The following ZNF562 variants were observed in gnomAD, a reference collection of about 807,000 sequenced individuals.
ZNF562 encodes zinc finger protein 562.
A neutral mutation model predicts 17.5 loss-of-function variants in ZNF562; 13 were observed. That is an observed-to-expected ratio of 0.74 (90% CI 0.48 to 1.18). The LOEUF (loss-of-function observed/expected upper bound fraction) is 1.18, where lower values mean the gene tolerates loss of function less well. Among genes scored for constraint, ZNF562 ranks in the 50% most tolerant of loss-of-function variants. The probability of loss-of-function intolerance (pLI) is 0.00; values close to 1 mark genes in which losing one functional copy is unlikely to be tolerated. For synonymous variants in ZNF562, 163 were observed against 165.4 expected (o/e 0.99, Z 0.11); for missense variants, 481 against 498.5 (o/e 0.96, Z 0.33).
At chr19:9,665,739 A>C (rs2043932815) in intron 1 of ZNF562, among the ~76,000 whole-genome samples, 1 of 152,186 alleles carries the variant, frequency 6.6e-6, no homozygotes, top group African/African-American at 2.4e-5. Context: ...GGAGGCGGTG[A>C]CCTAGGGAAA....
chr19:9,672,968 T>G (rs2044254471), intron 1 of ZNF562, among the ~76,000 whole-genome samples: 1 of 152,032 alleles, frequency 6.6e-6, no homozygotes, highest in African/African-American at 2.4e-5. Context: ...GCCTGTAAAC[T>G]TCCTTGTTCT....
chr19:9,671,357 T>C (rs1202072026), intron 1 of ZNF562, among the ~76,000 whole-genome samples: 2 of 152,058 alleles, frequency 1.3e-5, no homozygotes, highest in Non-Finnish European at 2.9e-5. Context: ...TGTAAAGACA[T>C]CCCTCCAAGA....
In ZNF562 at chr19:9,642,742, T is replaced by C. The variant is rs74754066; in HGVS notation, c.*10207A>G. ...ACAGTTGCTGCCTAGACATTAGAAA[T>C]AGAGGCCAGGCACAGTGGCTCAACC... On this transcript the variant is annotated 3_prime_UTR_variant, in exon 6 of 6. Coordinates refer to ENST00000453372, the MANE Select transcript of ZNF562 (RefSeq NM_001130031.2). The C allele has an allele frequency of 6.6e-6, 1 of 151,340 alleles. No homozygotes were observed. The highest frequency in any genetic ancestry group is 2.4e-5 in the African/African-American group (1 of 41,132). The allele number at this position is 151,340 out of a possible 1,614,324, so 9.4% of individuals were successfully genotyped here.
At chr19:9,661,903 T>C (rs2043759684) in intron 1 of ZNF562, among the ~76,000 whole-genome samples, 1 of 152,126 alleles carries the variant, frequency 6.6e-6, no homozygotes, top group Non-Finnish European at 1.5e-5. Flanking sequence ...TGGCTGGGAC[T>C]ACAGGTGCAC....
At chr19:9,664,649 GT>G (rs767469508) in intron 1 of ZNF562, among the ~76,000 whole-genome samples, 10 of 152,160 alleles carry the variant, frequency 6.6e-5, no homozygotes, top group Non-Finnish European at 1.5e-4. Flanking sequence ...TTTTTGAAAA[GT>G]TTCTCAGGGC....
intron 1 of ZNF562, among the ~76,000 whole-genome samples, chr19:9,661,470 C>T (rs1278545461): frequency 1.4e-4 from 22 of 152,120 alleles, no homozygotes; most frequent in Admixed American, 1.4e-3. Context: ...AGGTATGCAC[C>T]ACCATGCCTG....
rs1226803683 is a variant in ZNF562, at chr19:9,652,754, A to G, written c.*195T>C. The stretch of plus-strand genomic sequence containing the variant: ...TGCCAATAATTAAAGATGGCAACCA[A>G]TGGGCTAAATGGTAACAACACTCAT... On this transcript the variant is annotated 3_prime_UTR_variant, in exon 6 of 6. Coordinates refer to ENST00000453372, the MANE Select transcript of ZNF562 (RefSeq NM_001130031.2). The G allele has an allele frequency of 1.5e-5, 7 of 472,976 alleles. No homozygotes were observed. Among genetic ancestry groups the G allele is most frequent in the African/African-American group, 1.2e-4 (6 of 50,346 alleles). The allele number at this position is 472,976 out of a possible 1,614,324, so 29.3% of individuals were successfully genotyped here. A position where few individuals can be genotyped will look rare whatever the true frequency, so the allele number is the denominator to read the frequency against.
At chr19:9,669,993 C>A (rs541298769) in intron 1 of ZNF562, among the ~76,000 whole-genome samples, 133 of 152,148 alleles carry the variant, frequency 8.7e-4, no homozygotes, top group African/African-American at 2.9e-3. Flanking sequence ...ACCCAGGAGG[C>A]GGACGTTGCA....
Position 9,656,674 on chromosome 19 carries a change from T to C in ZNF562, c.242-21A>G, listed in dbSNP as rs374318155. On this transcript the variant is annotated intron_variant, in intron 4 of 5. Transcript: ENST00000453372. ...GAAATCTAAGGGTTTAGAGAAGAAA[T>C]GTGTTAGTTTAAAATTAGTCATTTG... The C allele has an allele frequency of 9.9e-5, 159 of 1,605,820 alleles. No individual in the cohort carries two copies. In the African/African-American group the frequency reaches 1.9e-3, roughly 20 times the overall value.
intron 1 of ZNF562, among the ~76,000 whole-genome samples, chr19:9,664,481 G>C (rs1599305636): frequency 6.6e-6 from 1 of 152,230 alleles, no homozygotes; most frequent in African/African-American, 2.4e-5. Flanking sequence ...CCAGTGGACT[G>C]TCTTCAAGAT....
In ZNF562 at chr19:9,653,848, C is replaced by T. The variant is rs751942175; in HGVS notation, c.382G>A (p.Glu128Lys). The stretch of plus-strand genomic sequence containing the variant: ...TCACTGAAGACCTCTCCACAATTCT[C>T]ACAGAGTTTCCATCCACTGTAGCTT... Reference protein sequence around the residue: ...TRSYSGWKLCENCGEVFSEQF... With the variant: ...TRSYSGWKLCKNCGEVFSEQF... Residue 128 changes from glutamate (E) to lysine (K), a missense_variant, in exon 6 of 6, where the codon GAG becomes AAG. By Grantham distance (56) the Glu-to-Lys change is moderately conservative. Transcript: ENST00000453372. 6.3e-7 allele frequency: 1 copy of T among 1,596,752 alleles called. No homozygotes were observed. Among genetic ancestry groups the T allele is most frequent in the Admixed American group, 1.7e-5 (1 of 57,236 alleles).
At chr19:9,673,353 G>T (rs575756577) in intron 1 of ZNF562, among the ~76,000 whole-genome samples, 54 of 152,146 alleles carry the variant, frequency 3.5e-4, no homozygotes, top group Non-Finnish European at 6.2e-4. Context: ...AATAAATTGC[G>T]TTGCTGAGAA....
rs1306261748 is a variant in ZNF562, at chr19:9,643,061, A to G, written c.*9888T>C. 7.1e-6 allele frequency: 1 copy of G among 141,746 alleles called. No individual in the cohort carries two copies. The highest frequency in any genetic ancestry group is 1.5e-5 in the Non-Finnish European group (1 of 66,136). 8.8% of individuals were successfully genotyped at this position (141,746 alleles called of 1,614,324 possible). On this transcript the variant is annotated 3_prime_UTR_variant, in exon 6 of 6. Coordinates refer to ENST00000453372, the MANE Select transcript of ZNF562 (RefSeq NM_001130031.2). ...TGTCTCTGGAAAAAAAAAAAAAAAA[A>G]AAGAACACCACCGGCCACTGTGGCT...
chr19:9,643,674 T>G lies in ZNF562; in HGVS notation c.*9275A>C, dbSNP rs1295206168. The G allele has an allele frequency of 2.0e-5, 3 of 151,776 alleles. No homozygotes were observed. Among genetic ancestry groups the G allele is most frequent in the Non-Finnish European group, 4.4e-5 (3 of 67,976 alleles). The allele number at this position is 151,776 out of a possible 1,614,324, so 9.4% of individuals were successfully genotyped here. On this transcript the variant is annotated 3_prime_UTR_variant, in exon 6 of 6. Coordinates refer to ENST00000453372, the MANE Select transcript of ZNF562 (RefSeq NM_001130031.2). ...TTGGCTCACTGCATTTTTTAATTTT[T>G]AAGTTTTTTGTAGATGGGGGGCTTG... is the stretch of plus-strand genomic sequence containing the variant.
chr19:9,669,923 A>G (rs2044121784), intron 1 of ZNF562, among the ~76,000 whole-genome samples: 1 of 152,024 alleles, frequency 6.6e-6, no homozygotes, highest in Non-Finnish European at 1.5e-5. Context: ...TTAGCTGGGC[A>G]TGGTGGCGTG....
rs757781966 is a variant in ZNF562, at chr19:9,653,533, C to G, written c.697G>C (p.Glu233Gln). 1.2e-6 allele frequency: 2 copies of G among 1,614,166 alleles called. No homozygotes were observed. Among genetic ancestry groups the G allele is most frequent in the South Asian group, 1.1e-5 (1 of 91,082 alleles). The change falls in exon 6 of 6, where the codon GAA becomes CAA. Residue 233 changes from glutamate to glutamine, a missense_variant. Transcript: ENST00000453372. ...MGIHIGEKLCEFQECERAITT... is the reference protein window; with the variant it reads ...MGIHIGEKLCQFQECERAITT... ...ATGGCTCTCTCACATTCCTGAAATT[C>G]ACAGAGTTTCTCTCCAATGTGGATT...
intron 1 of ZNF562, among the ~76,000 whole-genome samples, chr19:9,674,392 T>G (rs1185435662): frequency 6.6e-6 from 1 of 152,140 alleles, no homozygotes; most frequent in Admixed American, 6.5e-5. Flanking sequence ...GACATATTGA[T>G]TTTTTAAAAA....
chr19:9,658,228 T>C lies in ZNF562; in HGVS notation c.115-93A>G, dbSNP rs1425608883. On this transcript the variant is annotated intron_variant, in intron 3 of 5. Coordinates refer to ENST00000453372, the MANE Select transcript of ZNF562 (RefSeq NM_001130031.2). ...GAAAGGGGAACCTTATACTCACTTA[T>C]ACGTGGTTCTCAAGTCTCCCATGAT... 1.0e-5 allele frequency: 15 copies of C among 1,452,306 alleles called. No homozygotes were observed. In the African/African-American group the frequency reaches 1.7e-4, roughly 16 times the overall value. The allele number at this position is 1,452,306 out of a possible 1,614,324, so 90.0% of individuals were successfully genotyped here. A position where few individuals can be genotyped will look rare whatever the true frequency, so the allele number is the denominator to read the frequency against.
At chr19:9,668,535 C>A (rs1042675360) in intron 1 of ZNF562, among the ~76,000 whole-genome samples, 5 of 151,958 alleles carry the variant, frequency 3.3e-5, no homozygotes, top group Non-Finnish European at 7.4e-5. Flanking sequence ...AATGACAATA[C>A]TACCCAAAGC....
Sources: allele counts gnomAD v4.1 joint callset (sites outside exome capture counted in the v4.1 genomes callset), GRCh38; gene constraint gnomAD v4.1.1; transcripts MANE v1.5; gene names NCBI Gene and HGNC (gene_info 2026-07-23, HGNC 2026-07-21).